SIPA1L1: variants seen among roughly 807,000 people sequenced by gnomAD.
SIPA1L1 encodes signal-induced proliferation-associated 1-like protein 1.
A neutral mutation model predicts 162.7 loss-of-function variants in SIPA1L1; 26 were observed. That is an observed-to-expected ratio of 0.16 (90% CI 0.12 to 0.22). The LOEUF is 0.22. Among genes scored for constraint, SIPA1L1 ranks in the 10% least tolerant of loss-of-function variants. The probability of loss-of-function intolerance (pLI) is 1.00; values close to 1 mark genes in which losing one functional copy is unlikely to be tolerated. For synonymous variants in SIPA1L1, 829 were observed against 837.4 expected, an observed-to-expected ratio of 0.99 and a Z score of 0.17; for missense variants, 1,874 against 2,241.0, an observed-to-expected ratio of 0.84 and a Z score of 3.31.
intron 2 of SIPA1L1, among the ~76,000 whole-genome samples, chr14:71,332,835 A>G (rs1284957559): frequency 6.6e-6 from 1 of 152,216 alleles, no homozygotes; most frequent in African/African-American, 2.4e-5. Flanking sequence ...TTGAGGGTTG[A>G]ATTCAGTTTT....
Position 71,588,794 on chromosome 14 carries a change from G to C in SIPA1L1, c.922G>C (p.Gly308Arg). The C allele has an allele frequency of 6.2e-7, 1 of 1,614,088 alleles. No individual in the cohort carries two copies. Among genetic ancestry groups the C allele is most frequent in the African/African-American group, 1.3e-5 (1 of 75,044 alleles). ...GCGCAATGCCAAAGGTGAAGAACTT[G>C]GGAAGTCATCAGATCTTGAAGATAA... ...KLRNAKGEEL[G>R]KSSDLEDNRS... Residue 308 changes from glycine to arginine, a missense_variant, in exon 5 of 24, where the codon GGG (glycine) becomes CGG (arginine). Physicochemically the swap from Gly to Arg is moderately radical, Grantham distance 125. This residue lies in a region of SIPA1L1 where 685 missense variants were observed against 828.0 expected (regional missense o/e 0.83). Coordinates refer to ENST00000381232, the MANE Select transcript of SIPA1L1 (RefSeq NM_001386936.1). The surrounding 1 kb of genome is among the most constrained non-coding windows in gnomAD (Gnocchi z 4.3).
intron 7 of SIPA1L1, among the ~76,000 whole-genome samples, chr14:71,635,920 A>G (rs1325782405): frequency 1.3e-5 from 2 of 152,200 alleles, no homozygotes; most frequent in Non-Finnish European, 2.9e-5. Flanking sequence ...GGGCTTAGTA[A>G]TGTCAGGTAA....
intron 2 of SIPA1L1, among the ~76,000 whole-genome samples, chr14:71,453,609 A>G (rs538772226): frequency 2.6e-5 from 4 of 152,348 alleles, no homozygotes; most frequent in South Asian, 4.1e-4. Flanking sequence ...AAGAATCATA[A>G]TACTGGAGTA....
At chr14:71,375,269 G>A (rs970486174) in intron 2 of SIPA1L1, among the ~76,000 whole-genome samples, 1 of 152,066 alleles carries the variant, frequency 6.6e-6, no homozygotes, top group African/African-American at 2.4e-5. Context: ...CTATTTCCTA[G>A]ATTCTGTGTG....
intron 17 of SIPA1L1, among the ~76,000 whole-genome samples, chr14:71,717,901 G>A (rs1305721461): frequency 1.3e-5 from 2 of 152,154 alleles, no homozygotes; most frequent in African/African-American, 4.8e-5. Context: ...CTGGGGCTCT[G>A]GAAGATCTAA....
At chr14:71,536,440 A>C (rs2053913256) in intron 4 of SIPA1L1, among the ~76,000 whole-genome samples, 1 of 152,250 alleles carries the variant, frequency 6.6e-6, no homozygotes, top group Non-Finnish European at 1.5e-5. Flanking sequence ...TAAACAGAGC[A>C]AATGATGAGA....
intron 2 of SIPA1L1, among the ~76,000 whole-genome samples, chr14:71,505,578 T>A (rs1040553654): frequency 1.3e-5 from 2 of 152,140 alleles, no homozygotes; most frequent in African/African-American, 4.8e-5. Flanking sequence ...ATAATACTTA[T>A]TTGAACTTTG....
intron 5 of SIPA1L1, among the ~76,000 whole-genome samples, chr14:71,603,786 G>A (rs370383250): frequency 6.6e-6 from 1 of 151,494 alleles, no homozygotes; most frequent in Non-Finnish European, 1.5e-5. Context: ...AGCCAGGCAC[G>A]TGCGTGTAAT....
chr14:71,538,553 T>C (rs1439895004), intron 4 of SIPA1L1, among the ~76,000 whole-genome samples: 1 of 152,244 alleles, frequency 6.6e-6, no homozygotes, highest in Non-Finnish European at 1.5e-5. Context: ...TCTGTCCTTA[T>C]TGCCAAGTCA....
chr14:71,678,649 G>T (rs2045468980), intron 12 of SIPA1L1, among the ~76,000 whole-genome samples: 1 of 152,108 alleles, frequency 6.6e-6, no homozygotes, highest in Admixed American at 6.5e-5. Context: ...GATGATGCTG[G>T]CCTCATAAAA....
rs1339642443 is a variant in SIPA1L1 at position 71,704,646 on chromosome 14, C to T, written c.3647-576C>T. On this transcript the variant is annotated intron_variant, in intron 15 of 23. Transcript: ENST00000381232. ...CTCACTTTTGGAACCCCATCTTGAA[C>T]GCCAGCTTGGAGTCCAAAAGGAAGC... is the stretch of plus-strand genomic sequence containing the variant. 12 of 1,070,052 alleles carry T rather than the reference C, an allele frequency of 1.1e-5. 1 individual carries two copies. The highest frequency in any genetic ancestry group is 2.0e-4 in the Middle Eastern group (1 of 4,972). The allele number at this position is 1,070,052 out of a possible 1,614,324, so 66.3% of individuals were successfully genotyped here.
intron 4 of SIPA1L1, among the ~76,000 whole-genome samples, chr14:71,537,472 T>G (rs1233252480): frequency 6.6e-6 from 1 of 152,220 alleles, no homozygotes; most frequent in Non-Finnish European, 1.5e-5. Context: ...CCCAAAGTGC[T>G]GGGATCACAG....
At position 71,377,920 on chromosome 14, in the gene SIPA1L1, G is replaced by A. The variant is rs1486535472; in HGVS notation, c.-465+56739G>A. Among the ~76,000 whole-genome samples the A allele has an allele frequency of 1.3e-5, 2 of 152,350 alleles. No individual in the cohort carries two copies. The highest frequency in any genetic ancestry group is 2.4e-5 in the African/African-American group (1 of 41,582). On this transcript the variant is annotated intron_variant, in intron 2 of 23. Transcript: ENST00000381232. The surrounding 1 kb of genome is among the most constrained non-coding windows in gnomAD (Gnocchi z 4.8). ...AGGGAGGTTGCAGTGAGCCGAGATC[G>A]CAGCAGTACAGTCCAGCCTCGGCAA...
In SIPA1L1 at chr14:71,461,640, A is replaced by G. The variant is rs980022248; in HGVS notation, c.-464-51103A>G. On this transcript the variant is annotated intron_variant, in intron 2 of 23. Coordinates refer to ENST00000381232, the MANE Select transcript of SIPA1L1 (RefSeq NM_001386936.1). The stretch of plus-strand genomic sequence containing the variant: ...TCCAAGTCCCTGACCATCCAGCCAA[A>G]CTCTTGGCTACAGCCTATGAATCAG... Among the ~76,000 whole-genome samples the G allele has an allele frequency of 2.0e-5, 3 of 151,898 alleles. No homozygotes were observed. In the East Asian group the frequency reaches 5.8e-4, roughly 29 times the overall value.
intron 2 of SIPA1L1, among the ~76,000 whole-genome samples, chr14:71,468,126 C>T (rs751155344): frequency 8.0e-5 from 12 of 150,448 alleles, no homozygotes; most frequent in Non-Finnish European, 1.5e-5. Context: ...CTTTTATTTC[C>T]TGATCTGTCA....
intron 2 of SIPA1L1, among the ~76,000 whole-genome samples, chr14:71,421,529 T>A (rs959368070): frequency 1.3e-5 from 2 of 151,878 alleles, no homozygotes; most frequent in Non-Finnish European, 2.9e-5. Flanking sequence ...AGCCCAGGAG[T>A]TGAAGGCAGT....
intron 20 of SIPA1L1, among the ~76,000 whole-genome samples, 198 bp from the exon 21 acceptor site, chr14:71,733,468 G>A (rs1597295996): frequency 6.6e-6 from 1 of 152,162 alleles, no homozygotes; most frequent in African/African-American, 2.4e-5. Context: ...GGGAGGTTGT[G>A]AAAAAATGAA....
chr14:71,374,017 A>G (rs1329066867), intron 2 of SIPA1L1, among the ~76,000 whole-genome samples: 1 of 152,220 alleles, frequency 6.6e-6, no homozygotes, highest in East Asian at 1.9e-4. Context: ...CAGCTCTGCT[A>G]TGAATGCAAG....
At position 71,740,207 on chromosome 14, in the gene SIPA1L1, T is replaced by C. The variant is rs1158182383; in HGVS notation, c.*1046T>C. The C allele has an allele frequency of 6.6e-6, 1 of 152,250 alleles. No individual in the cohort carries two copies. Among genetic ancestry groups the C allele is most frequent in the Non-Finnish European group, 1.5e-5 (1 of 68,042 alleles). 9.4% of individuals were successfully genotyped at this position (152,250 alleles called of 1,614,324 possible). ...AATGTTTAATTGTGAATTTTAATCA[T>C]TGCTTGTTAGGAATAATGACTGTGA... On this transcript the variant is annotated 3_prime_UTR_variant, in exon 24 of 24. Transcript: ENST00000381232.
Sources: gnomAD v4.1 joint callset for allele counts (sites outside exome capture counted in the v4.1 genomes callset) on GRCh38, gnomAD v4.1.1 for gene constraint, gnomAD v4.1.1 regional missense constraint, Gnocchi (gnomAD v3.1) non-coding constraint, MANE v1.5 for transcripts, NCBI Gene and HGNC (gene_info 2026-07-23, HGNC 2026-07-21) for gene names.